The following PIP5K1A variants were observed in gnomAD, a reference collection of about 807,000 sequenced individuals.
The protein encoded by PIP5K1A is phosphatidylinositol-4-phosphate 5-kinase type 1 alpha, also known as phosphatidylinositol 4-phosphate 5-kinase type-1 alpha.
A neutral mutation model predicts 72.9 loss-of-function variants in PIP5K1A; 46 were observed. The ratio of observed to expected loss-of-function variants is 0.63; its 90% CI spans 0.50 to 0.81. The LOEUF is 0.81. PIP5K1A is among the 30% of genes least tolerant of loss of function. PIP5K1A has a pLI of 0.00. For synonymous variants in PIP5K1A, 228 were observed against 255.1 expected, an observed-to-expected ratio of 0.89 and a Z score of 1.01; for missense variants, 458 against 706.1, an observed-to-expected ratio of 0.65 and a Z score of 3.98.
intron 4 of PIP5K1A, among the ~76,000 whole-genome samples, chr1:151,230,051 G>A (rs1201495859): frequency 5.3e-5 from 8 of 152,108 alleles, no homozygotes; most frequent in Non-Finnish European, 1.2e-4. Context: ...TCACGCCACT[G>A]CACTCCAGCC....
At chr1:151,246,002 T>C (rs1314565574) in intron 14 of PIP5K1A, among the ~76,000 whole-genome samples, 1 of 152,162 alleles carries the variant, frequency 6.6e-6, no homozygotes, top group Admixed American at 6.5e-5. Context: ...ATCCTGGCAC[T>C]TTGGGAGGCC....
rs1397385437 is a variant in PIP5K1A, at chr1:151,236,586, A to G, written c.968A>G (p.Tyr323Cys). 6.2e-7 allele frequency: 1 copy of G among 1,607,372 alleles called. No homozygotes were observed. Among genetic ancestry groups the G allele is most frequent in the Non-Finnish European group, 8.5e-7 (1 of 1,173,804 alleles). Residue 323 changes from tyrosine to cysteine, a missense_variant, in exon 9 of 16, where the codon TAC becomes TGC. Tyr to Cys is a radical substitution (Grantham distance 194). Transcript: ENST00000368888. ...CTGCAGAGCTTCAAGATAATGGATTACAGCCTCTTGATGTCAATCCATAAT... is the reference window on the plus strand; with the variant it reads ...CTGCAGAGCTTCAAGATAATGGATTGCAGCCTCTTGATGTCAATCCATAAT... ...LVLQSFKIMD[Y>C]SLLMSIHNID...
At chr1:151,244,195 G>A (rs200736510) in intron 14 of PIP5K1A, among the ~76,000 whole-genome samples, 43 of 96,376 alleles carry the variant, frequency 4.5e-4, no homozygotes, top group Non-Finnish European at 6.1e-4. Context: ...AAAAAAAAAA[G>A]TCGTGAAAAT....
intron 14 of PIP5K1A, among the ~76,000 whole-genome samples, chr1:151,243,372 A>C (rs1692048444): frequency 6.6e-6 from 1 of 152,202 alleles, no homozygotes; most frequent in African/African-American, 2.4e-5. Context: ...AGTTCTTCTC[A>C]ATCTGTGAAC....
chr1:151,246,332 T>C (rs921745060), intron 14 of PIP5K1A, among the ~76,000 whole-genome samples: 2 of 152,158 alleles, frequency 1.3e-5, no homozygotes, highest in Non-Finnish European at 2.9e-5. Flanking sequence ...ACAGTCAAGC[T>C]ATTAGTCCAA....
chr1:151,203,975 C>G (rs1441249078), intron 1 of PIP5K1A, among the ~76,000 whole-genome samples: 1 of 152,096 alleles, frequency 6.6e-6, no homozygotes, highest in Non-Finnish European at 1.5e-5. Context: ...CATAACTTTA[C>G]AGCTGCTTAC....
chr1:151,244,616 A>G (rs1692229389), intron 14 of PIP5K1A, among the ~76,000 whole-genome samples: 1 of 152,248 alleles, frequency 6.6e-6, no homozygotes, highest in Non-Finnish European at 1.5e-5. Flanking sequence ...AAATCGCGCC[A>G]CTGGACTCTA....
At chr1:151,227,226 T>C (rs1689283809) in intron 3 of PIP5K1A, 94 bp from the exon 4 acceptor site, 1 of 737,530 alleles carries the variant, frequency 1.4e-6, no homozygotes. Context: ...AGAAAGAATA[T>C]GTTGTTTCAG....
At chr1:151,237,435 C>CTGA (rs1278316108) in intron 9 of PIP5K1A, among the ~76,000 whole-genome samples, 7 of 152,106 alleles carry the variant, frequency 4.6e-5, no homozygotes, top group Non-Finnish European at 5.9e-5. Flanking sequence ...CTGAGGCAGG[C>CTGA]GGATCACTTG....
At chr1:151,247,405 C>A (rs1022497894) in intron 15 of PIP5K1A, among the ~76,000 whole-genome samples, 7 of 149,774 alleles carry the variant, frequency 4.7e-5, no homozygotes, top group African/African-American at 1.2e-4. Flanking sequence ...GGGATTACAG[C>A]CGTGAGCCAT....
At chr1:151,227,184 G>A in intron 3 of PIP5K1A, 136 bp from the exon 4 acceptor site, 1 of 609,178 alleles carries the variant, frequency 1.6e-6, no homozygotes, top group Non-Finnish European at 2.9e-6. Context: ...GCATGGGATA[G>A]ATCTGAAGAT....
At chr1:151,231,509 A>G (rs1194605373) in intron 4 of PIP5K1A, among the ~76,000 whole-genome samples, 162 bp from the exon 5 acceptor site, 2 of 152,182 alleles carry the variant, frequency 1.3e-5, no homozygotes, top group Admixed American at 1.3e-4. Flanking sequence ...AGAGTACAGC[A>G]TAGGGATGGG....
At position 151,199,019 on chromosome 1, in the gene PIP5K1A, C is replaced by T. The variant is rs758497457; in HGVS notation, c.23C>T (p.Pro8Leu). Reference protein sequence around the residue: MASASSGPSSSVGFSSFD... With the variant: MASASSGLSSSVGFSSFD... ...AAGATGGCGTCGGCCTCCTCCGGGC[C>T]GTCGTCTTCGGTCGGTTTTTCATCC... Residue 8 changes from proline (P) to leucine (L), a missense_variant, in exon 1 of 16, where the codon CCG becomes CTG. Physicochemically the swap from Pro to Leu is moderately conservative, Grantham distance 98 (BLOSUM62 -3). Transcript: ENST00000368888. 6.2e-6 allele frequency: 10 copies of T among 1,614,052 alleles called. No homozygotes were observed. The African/African-American group carries it at 1.1e-4, about 17-fold the overall frequency.
intron 8 of PIP5K1A, among the ~76,000 whole-genome samples, chr1:151,235,951 A>C (rs1022169092): frequency 8.0e-5 from 12 of 150,814 alleles, no homozygotes; most frequent in African/African-American, 2.7e-4. Flanking sequence ...TGAAACCCCA[A>C]CTCTACTAAA....
intron 14 of PIP5K1A, among the ~76,000 whole-genome samples, chr1:151,245,241 C>T (rs748181726): frequency 8.5e-5 from 13 of 152,182 alleles, no homozygotes; most frequent in Non-Finnish European, 1.8e-4. Flanking sequence ...TTGTCCAATT[C>T]ATTAGGCACA....
chr1:151,198,810 C>G lies in PIP5K1A; in HGVS notation c.-187C>G, dbSNP rs116790517. Reference sequence around the variant, plus strand: ...GACGTGAGTTCTTCCCCATGCCAGGCGAATGGTGTGGCCTTGAGCTGGTCC... The same window carrying G: ...GACGTGAGTTCTTCCCCATGCCAGGGGAATGGTGTGGCCTTGAGCTGGTCC... On this transcript the variant is annotated 5_prime_UTR_variant, in exon 1 of 16. Coordinates refer to ENST00000368888, the MANE Select transcript of PIP5K1A (RefSeq NM_001135638.2). The G allele has an allele frequency of 2.9e-3, 1,952 of 663,142 alleles. 34 individuals are homozygous for G. In the African/African-American group the frequency reaches 0.031, roughly 11 times the overall value. The allele number at this position is 663,142 out of a possible 1,614,324, so 41.1% of individuals were successfully genotyped here.
chr1:151,246,324 A>G (rs190423768), intron 14 of PIP5K1A, among the ~76,000 whole-genome samples: 24 of 152,286 alleles, frequency 1.6e-4, no homozygotes, highest in African/African-American at 5.3e-4. Flanking sequence ...TCGAGATTAC[A>G]GTCAAGCTAT....
intron 7 of PIP5K1A, 81 bp downstream of exon 7, chr1:151,232,784 C>A: frequency 8.1e-7 from 1 of 1,229,732 alleles, no homozygotes; most frequent in Non-Finnish European, 1.2e-6. Flanking sequence ...CAGGGTAAAA[C>A]AGTGTCAGCA....
rs780260402 is a variant in PIP5K1A, at chr1:151,248,637, C to T, written c.*772C>T. On this transcript the variant is annotated 3_prime_UTR_variant, in exon 16 of 16. Coordinates refer to ENST00000368888, the MANE Select transcript of PIP5K1A (RefSeq NM_001135638.2). ...AGTGGGACATGGGGTAATCTTTATC[C>T]CTTTTGTTAAAACAGGAGGCAGCCA... 3 of 152,570 alleles carry T rather than the reference C, an allele frequency of 2.0e-5. No homozygotes were observed. The highest frequency in any genetic ancestry group is 4.4e-5 in the Non-Finnish European group (3 of 68,042). The allele number at this position is 152,570 out of a possible 1,614,324, so 9.5% of individuals were successfully genotyped here.
Sources: allele counts gnomAD v4.1 joint callset (sites outside exome capture counted in the v4.1 genomes callset), GRCh38; gene constraint gnomAD v4.1.1; transcripts MANE v1.5; gene names NCBI Gene and HGNC (gene_info 2026-07-23, HGNC 2026-07-21).